Variants in EYS observed in about 807,000 individuals in gnomAD.
The protein encoded by EYS is protein eyes shut homolog.
A neutral mutation model predicts 282.1 loss-of-function variants in EYS; 250 were observed. The observed-to-expected ratio is 0.89, with a 90% confidence interval of 0.80 to 0.98. EYS has a LOEUF of 0.98. Ranked by LOEUF, EYS falls within the 50% of genes least tolerant of loss-of-function variation. The probability of loss-of-function intolerance (pLI) is 0.00; values close to 1 mark genes in which losing one functional copy is unlikely to be tolerated. For synonymous variants in EYS, 1,355 were observed against 1,282.9 expected (o/e 1.06, Z -1.20); for missense variants, 4,016 against 3,709.0 (o/e 1.08, Z -2.15).
chr6:64,529,540 T>C (rs905712848), intron 26 of EYS, among the ~76,000 whole-genome samples: 2 of 152,056 alleles, frequency 1.3e-5, no homozygotes, highest in Admixed American at 1.3e-4. Flanking sequence ...AGTAAATGAC[T>C]GAAGTCTAGT....
intron 35 of EYS, among the ~76,000 whole-genome samples, chr6:63,953,682 A>C (rs1482513537): frequency 6.6e-6 from 1 of 152,096 alleles, no homozygotes; most frequent in East Asian, 1.9e-4. Context: ...CATAAATCCT[A>C]AATTCTTTCC....
chr6:64,477,816 A>G (rs1317319432), intron 26 of EYS, among the ~76,000 whole-genome samples: 1 of 152,156 alleles, frequency 6.6e-6, no homozygotes, highest in Non-Finnish European at 1.5e-5. Flanking sequence ...TTGAAAAAAA[A>G]TCTTTCAAAA....
At chr6:65,176,093 A>T (rs948921788) in intron 12 of EYS, among the ~76,000 whole-genome samples, 1 of 151,468 alleles carries the variant, frequency 6.6e-6, no homozygotes, top group Non-Finnish European at 1.5e-5. Flanking sequence ...TGTGTGAGAG[A>T]GAGCACTTAT....
intron 28 of EYS, among the ~76,000 whole-genome samples, chr6:64,391,655 C>T (rs1179305169): frequency 6.6e-6 from 1 of 152,092 alleles, no homozygotes; most frequent in Non-Finnish European, 1.5e-5. Context: ...CAACCCGTAC[C>T]AGCCGCTGCA....
At chr6:63,758,610 C>G (rs763001637) in intron 41 of EYS, among the ~76,000 whole-genome samples, 1 of 152,040 alleles carries the variant, frequency 6.6e-6, no homozygotes, top group Non-Finnish European at 1.5e-5. Flanking sequence ...ATAGGGCTTT[C>G]TTTACCATTT....
intron 5 of EYS, among the ~76,000 whole-genome samples, chr6:65,463,635 C>A (rs1764894983): frequency 6.6e-6 from 1 of 152,176 alleles, no homozygotes; most frequent in South Asian, 2.1e-4. Flanking sequence ...AATTCATGAT[C>A]AAATATTGCT....
At chr6:64,973,347 G>A (rs1770362352) in intron 14 of EYS, among the ~76,000 whole-genome samples, 1 of 151,986 alleles carries the variant, frequency 6.6e-6, no homozygotes, top group Admixed American at 6.6e-5. Context: ...TACGTCATAA[G>A]TAAGACATAG....
chr6:65,181,861 T>C (rs923036759), intron 12 of EYS, among the ~76,000 whole-genome samples: 1 of 152,062 alleles, frequency 6.6e-6, no homozygotes, highest in African/African-American at 2.4e-5. Flanking sequence ...ATATACACCA[T>C]GGAATACTAT....
intron 31 of EYS, among the ~76,000 whole-genome samples, chr6:64,139,917 G>A (rs1033550015): frequency 7.2e-5 from 11 of 151,840 alleles, no homozygotes; most frequent in Middle Eastern, 3.4e-3. Context: ...GCAGTGAGCC[G>A]AGATCGCACC....
chr6:64,628,733 T>C lies in EYS; in HGVS notation c.3444-2488A>G, dbSNP rs937899003. On this transcript the variant is annotated intron_variant, in intron 22 of 42. Transcript: ENST00000503581. ...TTCTTACCTATGAACAATATTAACA[T>C]TTATTTTAATTTTCATTGCAAAGGA... Among the ~76,000 whole-genome samples, 7 of 152,206 alleles carry C rather than the reference T, an allele frequency of 4.6e-5. 1 individual carries two copies. Among genetic ancestry groups the C allele is most frequent in the African/African-American group, 1.7e-4 (7 of 41,456 alleles).
intron 22 of EYS, among the ~76,000 whole-genome samples, chr6:64,795,824 T>C (rs1426942385): frequency 6.6e-6 from 1 of 152,184 alleles, no homozygotes; most frequent in Non-Finnish European, 1.5e-5. Context: ...AACACAGCGG[T>C]ACTTTTTTCA....
chr6:64,224,922 A>G (rs942065838), intron 31 of EYS, among the ~76,000 whole-genome samples: 5 of 152,110 alleles, frequency 3.3e-5, no homozygotes, highest in African/African-American at 7.2e-5. Context: ...CACAAGCCCA[A>G]GGAAAAATGG....
intron 31 of EYS, among the ~76,000 whole-genome samples, chr6:64,170,565 A>C (rs970273533): frequency 6.7e-6 from 1 of 149,910 alleles, no homozygotes; most frequent in Non-Finnish European, 1.5e-5. Flanking sequence ...TGTAGTTCCT[A>C]CCCTGTCATC....
At chr6:65,178,275 C>A (rs1377875504) in intron 12 of EYS, among the ~76,000 whole-genome samples, 2 of 151,954 alleles carry the variant, frequency 1.3e-5, no homozygotes, top group South Asian at 2.1e-4. Flanking sequence ...TGCTCCCTTG[C>A]AACGTACTGT....
chr6:64,852,021 T>C (rs1205775194), intron 19 of EYS, among the ~76,000 whole-genome samples: 1 of 152,144 alleles, frequency 6.6e-6, no homozygotes, highest in Non-Finnish European at 1.5e-5. Flanking sequence ...AGTACATTTA[T>C]ATTGCTTGTG....
chr6:64,435,196 A>G (rs911708887), intron 28 of EYS, among the ~76,000 whole-genome samples: 1 of 152,106 alleles, frequency 6.6e-6, no homozygotes, highest in Non-Finnish European at 1.5e-5. Flanking sequence ...ATGATTTATT[A>G]AATAGCATCT....
chr6:63,752,537 G>C (rs1769364605), intron 41 of EYS, among the ~76,000 whole-genome samples: 1 of 140,916 alleles, frequency 7.1e-6, no homozygotes. Context: ...CTGTCACCCA[G>C]GCTGGAGTGC....
At chr6:64,179,003 A>G (rs1157612488) in intron 31 of EYS, among the ~76,000 whole-genome samples, 1 of 152,026 alleles carries the variant, frequency 6.6e-6, no homozygotes, top group Non-Finnish European at 1.5e-5. Flanking sequence ...GTCAGCTTTT[A>G]GAATTACTAG....
chr6:65,055,949 A>G (rs2150156782), intron 13 of EYS, among the ~76,000 whole-genome samples: 1 of 152,128 alleles, frequency 6.6e-6, no homozygotes, highest in East Asian at 1.9e-4. Context: ...AAAGCCAGTC[A>G]CTATCTGCTG....
Sources: allele counts gnomAD v4.1 joint callset (sites outside exome capture counted in the v4.1 genomes callset), GRCh38; gene constraint gnomAD v4.1.1; transcripts MANE v1.5; gene names NCBI Gene and HGNC (gene_info 2026-07-23, HGNC 2026-07-21).